The following GLB1L2 variants were observed in gnomAD, a reference collection of about 807,000 sequenced individuals.
The protein encoded by GLB1L2 is beta-galactosidase-1-like protein 2.
In GLB1L2, 68 loss-of-function variants were observed where a neutral mutation model predicts 84.1. The ratio of observed to expected loss-of-function variants is 0.81; its 90% confidence interval spans 0.67 to 0.99. GLB1L2 has a LOEUF of 0.99. Among genes scored for constraint, GLB1L2 ranks in the 50% least tolerant of loss-of-function variants. The pLI is 0.00. For missense variants in GLB1L2, 762 were observed against 805.6 expected, an observed-to-expected ratio of 0.95 and a Z score of 0.66; for synonymous variants, 290 against 318.0, an observed-to-expected ratio of 0.91 and a Z score of 0.94.
At chr11:134,332,911 C>G (rs892435525) in intron 1 of GLB1L2, among the ~76,000 whole-genome samples, 8 of 152,228 alleles carry the variant, frequency 5.3e-5, no homozygotes, top group Non-Finnish European at 4.4e-5. Flanking sequence ...CTGACCCTAT[C>G]TTTCAGGTCA....
chr11:134,368,498 G>A (rs1206918204), intron 9 of GLB1L2, 146 bp from the exon 10 acceptor site: 1 of 787,640 alleles, frequency 1.3e-6, no homozygotes. Context: ...TGTGATTGGG[G>A]TTTTATGAGA....
intron 1 of GLB1L2, among the ~76,000 whole-genome samples, chr11:134,332,357 C>T (rs990631299): frequency 1.3e-5 from 2 of 152,230 alleles, no homozygotes; most frequent in East Asian, 3.9e-4. Flanking sequence ...CTGGGCGACA[C>T]CCGGCGTGCC....
At chr11:134,340,832 A>G (rs1215261923) in intron 1 of GLB1L2, among the ~76,000 whole-genome samples, 2 of 152,216 alleles carry the variant, frequency 1.3e-5, no homozygotes, top group Admixed American at 1.3e-4. Context: ...ATGTGTCCCA[A>G]AATATTATGC....
chr11:134,368,670 G>A lies in GLB1L2; in HGVS notation c.916G>A (p.Val306Met). The A allele has an allele frequency of 1.9e-6, 3 of 1,613,942 alleles. No homozygotes were observed. Among genetic ancestry groups the A allele is most frequent in the Non-Finnish European group, 2.5e-6 (3 of 1,180,028 alleles). ...SEVLKTVSAI[V>M]DAGSSINLYM... ...GGTTTTGAAAACCGTGTCTGCCATTGTGGACGCCGGCTCCTCCATCAACCT... is the reference window on the plus strand; with the variant it reads ...GGTTTTGAAAACCGTGTCTGCCATTATGGACGCCGGCTCCTCCATCAACCT... The change falls in exon 10 of 19, where the codon GTG becomes ATG. Residue 306 changes from valine (V) to methionine (M), a missense_variant. Val to Met is a conservative substitution (Grantham distance 21, BLOSUM62 1). Transcript: ENST00000535456.
At chr11:134,348,498 C>A (rs1356812680) in intron 5 of GLB1L2, among the ~76,000 whole-genome samples, 1 of 151,966 alleles carries the variant, frequency 6.6e-6, no homozygotes, top group Admixed American at 6.6e-5. Context: ...AGACGTGCAG[C>A]GGGTCACCAA....
In GLB1L2 at chr11:134,370,825, C is replaced by T. The variant is rs956956646; in HGVS notation, c.1216-183C>T. ...CGGACTGCACTCTGCTGGTGCACACCCCTTTGCCCCACTCCTCTTCCCCGT... is the reference window on the plus strand; with the variant it reads ...CGGACTGCACTCTGCTGGTGCACACTCCTTTGCCCCACTCCTCTTCCCCGT... On this transcript the variant is annotated intron_variant, in intron 12 of 18. Transcript: ENST00000535456. This position sits in a 1 kb window ranked among gnomAD's most constrained non-coding sequence, Gnocchi z 4.7. Among the ~76,000 whole-genome samples, 3 of 152,122 alleles carry T rather than the reference C, an allele frequency of 2.0e-5. No individual in the cohort carries two copies. The highest frequency in any genetic ancestry group is 4.4e-5 in the Non-Finnish European group (3 of 68,020).
chr11:134,337,644 C>G (rs1943405636), intron 1 of GLB1L2, among the ~76,000 whole-genome samples: 1 of 152,182 alleles, frequency 6.6e-6, no homozygotes, highest in African/African-American at 2.4e-5. Flanking sequence ...CTCATGGGAG[C>G]CTAGAACCGA....
At chr11:134,353,076 G>A (rs1228977985) in intron 5 of GLB1L2, among the ~76,000 whole-genome samples, 2 of 152,066 alleles carry the variant, frequency 1.3e-5, no homozygotes, top group African/African-American at 4.8e-5. Flanking sequence ...TTGTGATTGG[G>A]AAAAATAAAA....
At chr11:134,343,013 G>A in intron 2 of GLB1L2, 62 bp downstream of exon 2, 1 of 1,525,112 alleles carries the variant, frequency 6.6e-7, no homozygotes, top group Non-Finnish European at 8.8e-7. Context: ...GTGTCTGCAT[G>A]CGAAAAAATA....
At chr11:134,347,569 C>A in intron 5 of GLB1L2, 136 bp downstream of exon 5, 1 of 659,680 alleles carries the variant, frequency 1.5e-6, no homozygotes. Context: ...GTCCGAGACT[C>A]GTAACTGAGG....
At chr11:134,360,433 G>A (rs1016688572) in intron 7 of GLB1L2, 18 of 152,464 alleles carry the variant, frequency 1.2e-4, no homozygotes, top group African/African-American at 4.3e-4. Flanking sequence ...CTTCCACGCG[G>A]TGGCGCCGTC....
intron 5 of GLB1L2, among the ~76,000 whole-genome samples, chr11:134,352,642 A>G (rs945192330): frequency 6.8e-6 from 1 of 147,466 alleles, no homozygotes; most frequent in African/African-American, 2.5e-5. Flanking sequence ...TTTTCTCAAT[A>G]TGTCTTCTTT....
intron 5 of GLB1L2, among the ~76,000 whole-genome samples, chr11:134,348,075 G>A (rs1222166964): frequency 6.6e-6 from 1 of 152,162 alleles, no homozygotes; most frequent in Non-Finnish European, 1.5e-5. Context: ...CCCAGTTGCT[G>A]TGTAAAACCA....
At chr11:134,368,549 A>G in intron 9 of GLB1L2, 95 bp from the exon 10 acceptor site, 1 of 1,339,488 alleles carries the variant, frequency 7.5e-7, no homozygotes, top group Non-Finnish European at 1.1e-6. Flanking sequence ...TGAGGTTTTG[A>G]GGTGGGACTG....
intron 5 of GLB1L2, among the ~76,000 whole-genome samples, chr11:134,353,836 G>A (rs1943667661): frequency 6.6e-6 from 1 of 151,992 alleles, no homozygotes; most frequent in Admixed American, 6.6e-5. Context: ...TATTTTGTTT[G>A]ATATTAGCAA....
At chr11:134,341,251 G>C (rs551283439) in intron 1 of GLB1L2, among the ~76,000 whole-genome samples, 2 of 152,124 alleles carry the variant, frequency 1.3e-5, no homozygotes, top group African/African-American at 4.8e-5. Flanking sequence ...AAGACCCTTC[G>C]ACTCACAGCA....
At chr11:134,360,471 C>T (rs1428260273) in intron 7 of GLB1L2, 1 of 152,260 alleles carries the variant, frequency 6.6e-6, no homozygotes, top group African/African-American at 2.4e-5. Context: ...AAGGCCTGCT[C>T]CGGGCTCCGC....
rs1943416071 is a variant in GLB1L2 at position 134,338,313 on chromosome 11, A to G, written c.87-4441A>G. Reference sequence around the variant, plus strand: ...GGGTGATGCAGGGATGCCCGCTGGCATGGCAGGACGCATTTCAAGCCTGGC... The same window carrying G: ...GGGTGATGCAGGGATGCCCGCTGGCGTGGCAGGACGCATTTCAAGCCTGGC... On this transcript the variant is annotated intron_variant, in intron 1 of 18. Transcript: ENST00000535456. The surrounding 1 kb of genome is among the most constrained non-coding windows in gnomAD (Gnocchi z 6.2). Among the ~76,000 whole-genome samples the G allele has an allele frequency of 6.6e-6, 1 of 152,190 alleles. No homozygotes were observed. Among genetic ancestry groups the G allele is most frequent in the African/African-American group, 2.4e-5 (1 of 41,442 alleles).
At chr11:134,356,202 A>G in intron 5 of GLB1L2, 99 bp from the exon 6 acceptor site, 4 of 899,282 alleles carry the variant, frequency 4.4e-6, no homozygotes, top group South Asian at 1.4e-5. Flanking sequence ...TTAGTTTTCA[A>G]TGGGATCTTT....
Sources: gnomAD v4.1 joint callset for allele counts (sites outside exome capture counted in the v4.1 genomes callset) on GRCh38, gnomAD v4.1.1 for gene constraint, Gnocchi (gnomAD v3.1) non-coding constraint, MANE v1.5 for transcripts, NCBI Gene and HGNC (gene_info 2026-07-23, HGNC 2026-07-21) for gene names.